UGT1A9: variants seen among roughly 807,000 people sequenced by gnomAD.
UGT1A9 encodes UDP glucuronosyltransferase family 1 member A9, also known as UDP-glucuronosyltransferase 1A9.
Under a neutral mutation model 45.0 loss-of-function variants are expected in UGT1A9, and 35 were observed. The ratio of observed to expected loss-of-function variants is 0.78; its 90% CI spans 0.59 to 1.03. The LOEUF (loss-of-function observed/expected upper bound fraction) is 1.03, where lower values mean the gene tolerates loss of function less well. Ranked by LOEUF, UGT1A9 falls within the 50% of genes least tolerant of loss-of-function variation. The probability of loss-of-function intolerance (pLI) is 0.00; values close to 1 mark genes in which losing one functional copy is unlikely to be tolerated. For synonymous variants in UGT1A9, 278 were observed against 250.6 expected (o/e 1.11, Z -1.03); for missense variants, 687 against 666.6 (o/e 1.03, Z -0.34).
At chr2:233,764,567 G>A (rs1310538826) in intron 1 of UGT1A9, among the ~76,000 whole-genome samples, 3 of 152,182 alleles carry the variant, frequency 2.0e-5, no homozygotes, top group Admixed American at 6.5e-5. Context: ...GCCTGGAGGA[G>A]AACTTAGACT....
chr2:233,693,591 A>C lies in UGT1A9; in HGVS notation c.855+20802A>C, dbSNP rs1484230221. 7 of 1,614,114 alleles carry C rather than the reference A, an allele frequency of 4.3e-6. No individual in the cohort carries two copies. The highest frequency in any genetic ancestry group is 5.9e-6 in the Non-Finnish European group (7 of 1,180,040). On this transcript the variant is annotated intron_variant, in intron 1 of 4. Coordinates refer to ENST00000354728, the MANE Select transcript of UGT1A9 (RefSeq NM_021027.3). Reference sequence around the variant, plus strand: ...CCTGTGTCCTACATTCCCAGGTGCTACACAAAGTTTTCAGACCACATGACT... The same window carrying C: ...CCTGTGTCCTACATTCCCAGGTGCTCCACAAAGTTTTCAGACCACATGACT...
At chr2:233,701,168 C>T (rs984714879) in intron 1 of UGT1A9, among the ~76,000 whole-genome samples, 4 of 152,038 alleles carry the variant, frequency 2.6e-5, no homozygotes, top group Non-Finnish European at 4.4e-5. Flanking sequence ...TGAATAGTGC[C>T]GTTATAAACA....
intron 1 of UGT1A9, chr2:233,744,083 G>T: frequency 2.3e-6 from 1 of 437,754 alleles, no homozygotes; most frequent in South Asian, 2.0e-5. Flanking sequence ...CGCATCCCAA[G>T]ATGCAGTGCT....
chr2:233,692,092 A>G (rs867976359), intron 1 of UGT1A9: 2 of 152,168 alleles, frequency 1.3e-5, no homozygotes, highest in East Asian at 1.9e-4. Context: ...GATTGATTTG[A>G]TCACCGATGG....
chr2:233,768,128 C>A, intron 3 of UGT1A9, 92 bp from the exon 4 acceptor site: 1 of 1,605,472 alleles, frequency 6.2e-7, no homozygotes, highest in Non-Finnish European at 8.5e-7. Context: ...GTGAGTAACA[C>A]TGAGTCTTTG....
rs771015573 is a variant in UGT1A9 at position 233,755,062 on chromosome 2, C to T, written c.856-11972C>T. On this transcript the variant is annotated intron_variant, in intron 1 of 4. Coordinates refer to ENST00000354728, the MANE Select transcript of UGT1A9 (RefSeq NM_021027.3). ...GCGCAGCCGCCCTCCGCCCTCGCCT[C>T]GCCATAGCGGTCATAGATATCGCGT... 7 of 1,335,332 alleles carry T rather than the reference C, an allele frequency of 5.2e-6. No individual in the cohort carries two copies. In the African/African-American group the frequency reaches 6.0e-5, roughly 11 times the overall value. 82.7% of individuals were successfully genotyped at this position (1,335,332 alleles called of 1,614,324 possible). A position where few individuals can be genotyped will look rare whatever the true frequency, so the allele number is the denominator to read the frequency against.
chr2:233,728,515 A>G (rs2077723500), intron 1 of UGT1A9, among the ~76,000 whole-genome samples: 5 of 152,152 alleles, frequency 3.3e-5, no homozygotes, highest in Admixed American at 2.6e-4. Context: ...AGCTTTTTCT[A>G]TATTGACAGC....
intron 1 of UGT1A9, among the ~76,000 whole-genome samples, chr2:233,679,726 A>C (rs749005080): frequency 1.3e-5 from 2 of 152,136 alleles, no homozygotes; most frequent in African/African-American, 2.4e-5. Flanking sequence ...TTTTAAAGCC[A>C]AACCTCTTTG....
rs201654358 is a variant in UGT1A9, at chr2:233,682,696, G to C, written c.855+9907G>C. The C allele has an allele frequency of 3.1e-6, 5 of 1,613,814 alleles. No homozygotes were observed. The East Asian group carries it at 1.1e-4, about 36-fold the overall frequency. ...ACAGCCACACATCAATTTGGTTGTT[G>C]CGAACTGACTTTGTTTTGGAGTATC... On this transcript the variant is annotated intron_variant, in intron 1 of 4. Coordinates refer to ENST00000354728, the MANE Select transcript of UGT1A9 (RefSeq NM_021027.3).
intron 1 of UGT1A9, among the ~76,000 whole-genome samples, chr2:233,724,368 T>A (rs1161929215): frequency 7.9e-6 from 1 of 127,164 alleles, no homozygotes; most frequent in Non-Finnish European, 1.7e-5. Context: ...CCGGACGGGG[T>A]GGCTGCCGGG....
At chr2:233,687,609 G>T (rs1575438460) in intron 1 of UGT1A9, among the ~76,000 whole-genome samples, 2 of 143,038 alleles carry the variant, frequency 1.4e-5, no homozygotes, top group Non-Finnish European at 1.5e-5. Context: ...AAAAAAAAAG[G>T]AAAGAAAAAA....
chr2:233,761,267 C>T, intron 1 of UGT1A9: 1 of 1,593,550 alleles, frequency 6.3e-7, no homozygotes, highest in South Asian at 1.1e-5. Flanking sequence ...TTTAAAATGC[C>T]CTCTTTTGTT....
rs557278496 is a variant in UGT1A9, at chr2:233,723,289, A to T, written c.856-43745A>T. On this transcript the variant is annotated intron_variant, in intron 1 of 4. Coordinates refer to ENST00000354728, the MANE Select transcript of UGT1A9 (RefSeq NM_021027.3). ...CAATGGCACGATGTTGGCTCACTGC[A>T]ACCTCTGCCTCCCAGGTTCAAGCAA... 6.7e-4 allele frequency among the ~76,000 whole-genome samples: 77 copies of T among 114,264 alleles called. 5 individuals carry two copies. The highest frequency in any genetic ancestry group is 9.8e-4 in the Non-Finnish European group (58 of 58,990). The allele number at this position is 114,264 out of a possible 152,430, so 75.0% of individuals were successfully genotyped here.
chr2:233,758,873 T>C (rs944299191), intron 1 of UGT1A9, among the ~76,000 whole-genome samples: 1 of 152,218 alleles, frequency 6.6e-6, no homozygotes, highest in Non-Finnish European at 1.5e-5. Context: ...ACTTGCCCCA[T>C]AGTCCATGGT....
chr2:233,705,634 G>A (rs1392542286), intron 1 of UGT1A9, among the ~76,000 whole-genome samples: 1 of 152,192 alleles, frequency 6.6e-6, no homozygotes, highest in Non-Finnish European at 1.5e-5. Context: ...GACAGTTCTA[G>A]GAAGTTGAAG....
At chr2:233,727,488 T>C (rs2077620726) in intron 1 of UGT1A9, among the ~76,000 whole-genome samples, 1 of 151,840 alleles carries the variant, frequency 6.6e-6, no homozygotes, top group Non-Finnish European at 1.5e-5. Context: ...TACTTGGAGG[T>C]AGAACATGGG....
At chr2:233,698,567 G>T (rs2075448445) in intron 1 of UGT1A9, among the ~76,000 whole-genome samples, 1 of 152,166 alleles carries the variant, frequency 6.6e-6, no homozygotes, top group Admixed American at 6.5e-5. Context: ...TTAAGAACAT[G>T]TTTAATTTCA....
intron 1 of UGT1A9, among the ~76,000 whole-genome samples, chr2:233,732,527 T>G (rs920037607): frequency 6.6e-6 from 1 of 152,244 alleles, no homozygotes; most frequent in African/African-American, 2.4e-5. Context: ...TTTCTACATA[T>G]GGCCAGTTTT....
intron 1 of UGT1A9, chr2:233,742,002 T>G (rs999682670): frequency 2.6e-5 from 4 of 151,956 alleles, no homozygotes; most frequent in African/African-American, 9.7e-5. Context: ...ACAGATACAC[T>G]TGGCTTTCAT....
Sources: allele counts gnomAD v4.1 joint callset (sites outside exome capture counted in the v4.1 genomes callset), GRCh38; gene constraint gnomAD v4.1.1; transcripts MANE v1.5; gene names NCBI Gene and HGNC (gene_info 2026-07-23, HGNC 2026-07-21).